The following NDUFV1 variants were observed in gnomAD, a reference collection of about 807,000 sequenced individuals.
NDUFV1 encodes NADH:ubiquinone oxidoreductase core subunit V1, also known as NADH dehydrogenase [ubiquinone] flavoprotein 1, mitochondrial.
In NDUFV1, 41 loss-of-function variants were observed where a neutral mutation model predicts 48.7. That is an observed-to-expected ratio of 0.84 (90% CI 0.66 to 1.09). The LOEUF is 1.09. NDUFV1 is among the 50% of genes least tolerant of loss of function. The probability of loss-of-function intolerance (pLI) is 0.00; values close to 1 mark genes in which losing one functional copy is unlikely to be tolerated. For synonymous variants in NDUFV1, 231 were observed against 259.1 expected (o/e 0.89, Z 1.04); for missense variants, 580 against 645.4 (o/e 0.90, Z 1.10).
chr11:67,608,707 A>T lies in NDUFV1; in HGVS notation c.311A>T (p.Lys104Met). 1 of 1,613,928 alleles carries T rather than the reference A, an allele frequency of 6.2e-7. No homozygotes were observed. The highest frequency in any genetic ancestry group is 2.2e-5 in the East Asian group (1 of 44,872). ...PTGLKWSFMN[K>M]PSDGRPKYLV... ...GGCCTCAAGTGGAGCTTCATGAATAAGCCCTCAGATGGCAGGTGTGTGTGT... is the reference window on the plus strand; with the variant it reads ...GGCCTCAAGTGGAGCTTCATGAATATGCCCTCAGATGGCAGGTGTGTGTGT... Residue 104 changes from lysine to methionine, a missense_variant, in exon 3 of 10, where the codon AAG (lysine) becomes ATG (methionine). Transcript: ENST00000322776.
At position 67,609,854 on chromosome 11, in the gene NDUFV1, C is replaced by A; in HGVS notation, c.510+219C>A. 1.2e-5 allele frequency: 6 copies of A among 501,870 alleles called. No homozygotes were observed. The South Asian group carries it at 1.3e-4, about 11-fold the overall frequency. 31.1% of individuals were successfully genotyped at this position (501,870 alleles called of 1,614,324 possible). A position where few individuals can be genotyped will look rare whatever the true frequency, so the allele number is the denominator to read the frequency against. ...TGGTGTAAATTTTTTTTTTTTGCTT[C>A]AAAAATATAGTATTTTTTATAAAAC... On this transcript the variant is annotated intron_variant, in intron 4 of 9. Transcript: ENST00000322776.
chr11:67,609,766 T>A, intron 4 of NDUFV1, 131 bp downstream of exon 4: 2 of 1,044,050 alleles, frequency 1.9e-6, no homozygotes, highest in East Asian at 2.5e-5. Context: ...TGGTGGCCAG[T>A]CCTGCATGCA....
At chr11:67,610,925 A>G in intron 5 of NDUFV1, 70 bp from the exon 6 acceptor site, 1 of 1,464,216 alleles carries the variant, frequency 6.8e-7, no homozygotes, top group Non-Finnish European at 9.6e-7. Context: ...GGACCCTGGG[A>G]CACACCTCCC....
chr11:67,611,274 C>T lies in NDUFV1; in HGVS notation c.913+67C>T. 1.3e-6 allele frequency: 2 copies of T among 1,599,904 alleles called. No individual in the cohort carries two copies. The highest frequency in any genetic ancestry group is 1.1e-5 in the South Asian group (1 of 90,568). Reference sequence around the variant, plus strand: ...GGGGGCAGGTGTCCACAAAGAGAGCCTGGGCGGGAGGGCTCAGGAGACGGG... The same window carrying T: ...GGGGGCAGGTGTCCACAAAGAGAGCTTGGGCGGGAGGGCTCAGGAGACGGG... On this transcript the variant is annotated intron_variant, in intron 6 of 9. Coordinates refer to ENST00000322776, the MANE Select transcript of NDUFV1 (RefSeq NM_007103.4). This position sits in a 1 kb window ranked among gnomAD's most constrained non-coding sequence, Gnocchi z 4.2.
At position 67,609,577 on chromosome 11, in the gene NDUFV1, C is replaced by T. The variant is rs369656369; in HGVS notation, c.452C>T (p.Ala151Val). The T allele has an allele frequency of 1.3e-5, 21 of 1,611,656 alleles. No individual in the cohort carries two copies. The African/African-American group carries it at 2.3e-4, about 17-fold the overall frequency. Reference protein sequence around the residue: ...GCLVGGRAMGARAAYIYIRGE... With the variant: ...GCLVGGRAMGVRAAYIYIRGE... ...CTGGTGGGGGGCCGGGCCATGGGCG[C>T]CCGCGCTGCCTATATCTACATCCGA... is the stretch of plus-strand genomic sequence containing the variant. The change falls in exon 4 of 10, where the codon GCC becomes GTC. Residue 151 changes from alanine to valine, a missense_variant. Physicochemically the swap from Ala to Val is moderately conservative, Grantham distance 64. Transcript: ENST00000322776.
Position 67,612,136 on chromosome 11 carries a change from C to G in NDUFV1, c.1179C>G (p.Asn393Lys), listed in dbSNP as rs575546624. Residue 393 changes from asparagine (N) to lysine (K), a missense_variant, in exon 9 of 10, where the codon AAC becomes AAG. Coordinates refer to ENST00000322776, the MANE Select transcript of NDUFV1 (RefSeq NM_007103.4). This position sits in a 1 kb window ranked among gnomAD's most constrained non-coding sequence, Gnocchi z 4.4. The part of the protein sequence containing the change: ...TPCREGVDWM[N>K]KVMARFVRGD... The stretch of plus-strand genomic sequence containing the variant: ...TGGCTGCAGGTGTGGACTGGATGAA[C>G]AAGGTGATGGCACGTTTCGTGAGGG... 14 of 1,613,642 alleles carry G rather than the reference C, an allele frequency of 8.7e-6. No homozygotes were observed. In the East Asian group the frequency reaches 2.9e-4, roughly 33 times the overall value.
In NDUFV1 at chr11:67,611,232, G is replaced by A; in HGVS notation, c.913+25G>A. The A allele has an allele frequency of 6.2e-7, 1 of 1,611,852 alleles. No homozygotes were observed. Among genetic ancestry groups the A allele is most frequent in the South Asian group, 1.1e-5 (1 of 91,030 alleles). ...GGTAAGGCCTGGGGCCAGCCAGGTG[G>A]TGGGGGGGTGCGCAGTGGGGGCAGG... On this transcript the variant is annotated intron_variant, in intron 6 of 9. Coordinates refer to ENST00000322776, the MANE Select transcript of NDUFV1 (RefSeq NM_007103.4). The surrounding 1 kb of genome is among the most constrained non-coding windows in gnomAD (Gnocchi z 4.2).
rs775492957 is a variant in NDUFV1 at position 67,611,423 on chromosome 11, G to A, written c.934G>A (p.Asp312Asn). 6.2e-7 allele frequency: 1 copy of A among 1,613,908 alleles called. No individual in the cohort carries two copies. The highest frequency in any genetic ancestry group is 1.3e-5 in the African/African-American group (1 of 74,884). Residue 312 changes from aspartate to asparagine, a missense_variant, in exon 7 of 10, where the codon GAC becomes AAC. Transcript: ENST00000322776. The surrounding 1 kb of genome is among the most constrained non-coding windows in gnomAD (Gnocchi z 4.2). Reference protein sequence around the residue: ...KHAGGVTGGWDNLLAVIPGGS... With the variant: ...KHAGGVTGGWNNLLAVIPGGS... ...CCCAGGGGGTGTCACGGGCGGCTGGGACAACCTCCTTGCTGTGATCCCTGG... is the reference window on the plus strand; with the variant it reads ...CCCAGGGGGTGTCACGGGCGGCTGGAACAACCTCCTTGCTGTGATCCCTGG...
At position 67,611,622 on chromosome 11, in the gene NDUFV1, T is replaced by C; in HGVS notation, c.1080+53T>C. The C allele has an allele frequency of 6.4e-7, 1 of 1,571,406 alleles. No individual in the cohort carries two copies. Among genetic ancestry groups the C allele is most frequent in the Non-Finnish European group, 8.6e-7 (1 of 1,158,492 alleles). ...CCTGCCCTCCTGGTTGCTGTCTCCC[T>C]CCCTGGGCCTCCCAGAAAACCCTCT... On this transcript the variant is annotated intron_variant, in intron 7 of 9. Coordinates refer to ENST00000322776, the MANE Select transcript of NDUFV1 (RefSeq NM_007103.4). The surrounding 1 kb of genome is among the most constrained non-coding windows in gnomAD (Gnocchi z 4.2).
chr11:67,608,225 CA>C (rs11413867), intron 1 of NDUFV1, 170 bp from the exon 2 acceptor site: 1,407 of 570,268 alleles, frequency 2.5e-3, no homozygotes, highest in Non-Finnish European at 2.8e-3. Context: ...GAGTCTGTCT[CA>C]AAAAAAAAAA....
At position 67,610,417 on chromosome 11, in the gene NDUFV1, G is replaced by A. The variant is rs1316667093; in HGVS notation, c.547G>A (p.Gly183Ser). The A allele has an allele frequency of 1.2e-5, 19 of 1,614,036 alleles. No individual in the cohort carries two copies. The highest frequency in any genetic ancestry group is 1.6e-5 in the Non-Finnish European group (19 of 1,180,040). The change falls in exon 5 of 10, where the codon GGC (glycine) becomes AGC (serine). Residue 183 changes from glycine to serine, a missense_variant. Coordinates refer to ENST00000322776, the MANE Select transcript of NDUFV1 (RefSeq NM_007103.4). ...IREAYEAGLI[G>S]KNACGSGYDF... Reference sequence around the variant, plus strand: ...AGAGGCCTATGAGGCAGGTCTGATTGGCAAGAATGCTTGTGGCTCTGGCTA... The same window carrying A: ...AGAGGCCTATGAGGCAGGTCTGATTAGCAAGAATGCTTGTGGCTCTGGCTA...
rs1163572829 is a variant in NDUFV1 at position 67,612,255 on chromosome 11, G to A, written c.1298G>A (p.Trp433Ter). The A allele has an allele frequency of 6.2e-7, 1 of 1,613,956 alleles. No homozygotes were observed. Among genetic ancestry groups the A allele is most frequent in the South Asian group, 1.1e-5 (1 of 91,076 alleles). The stretch of plus-strand genomic sequence containing the variant: ...TGTGCTCTGGGTGACGGGGCCGCCT[G>A]GCCTGTGCAGGTATTCACCACCCTT... ...TICALGDGAA[W>*]PVQGLIRHFR... Residue 433 changes from tryptophan to a stop codon, truncating the protein, a stop_gained, in exon 9 of 10, where the codon TGG (tryptophan) becomes TAG (stop). Coordinates refer to ENST00000322776, the MANE Select transcript of NDUFV1 (RefSeq NM_007103.4). LOFTEE classifies it high-confidence loss of function. This position sits in a 1 kb window ranked among gnomAD's most constrained non-coding sequence, Gnocchi z 4.4.
Position 67,608,625 on chromosome 11 carries a change from C to G in NDUFV1, c.229C>G (p.Leu77Val). 6.2e-7 allele frequency: 1 copy of G among 1,614,126 alleles called. No individual in the cohort carries two copies. Among genetic ancestry groups the G allele is most frequent in the Non-Finnish European group, 8.5e-7 (1 of 1,180,012 alleles). The change falls in exon 3 of 10, where the codon CTG (leucine) becomes GTG (valine). Residue 77 changes from leucine to valine, a missense_variant. Coordinates refer to ENST00000322776, the MANE Select transcript of NDUFV1 (RefSeq NM_007103.4). ...CCTGCTGAAGGGGCCCGACTGGATCCTGGGCGAGATCAAGACATCGGGTTT... is the reference window on the plus strand; with the variant it reads ...CCTGCTGAAGGGGCCCGACTGGATCGTGGGCGAGATCAAGACATCGGGTTT... ...EILLKGPDWI[L>V]GEIKTSGLRG...
At chr11:67,609,728 T>C in intron 4 of NDUFV1, 93 bp downstream of exon 4, 4 of 1,441,204 alleles carry the variant, frequency 2.8e-6, no homozygotes, top group Non-Finnish European at 3.9e-6. Flanking sequence ...TGTTAGTACC[T>C]GGTCTGTCAG....
intron 3 of NDUFV1, 128 bp from the exon 4 acceptor site, chr11:67,609,324 G>A: frequency 1.1e-6 from 1 of 913,460 alleles, no homozygotes; most frequent in Non-Finnish European, 1.7e-6. Context: ...GACATGTTGG[G>A]AGGGCAGTAA....
Position 67,611,279 on chromosome 11 carries a change from C to T in NDUFV1, c.913+72C>T, listed in dbSNP as rs891754024. The T allele has an allele frequency of 1.2e-5, 19 of 1,591,346 alleles. No homozygotes were observed. Among genetic ancestry groups the T allele is most frequent in the Middle Eastern group, 1.8e-4 (1 of 5,554 alleles). On this transcript the variant is annotated intron_variant, in intron 6 of 9. Coordinates refer to ENST00000322776, the MANE Select transcript of NDUFV1 (RefSeq NM_007103.4). This position sits in a 1 kb window ranked among gnomAD's most constrained non-coding sequence, Gnocchi z 4.2. ...CAGGTGTCCACAAAGAGAGCCTGGG[C>T]GGGAGGGCTCAGGAGACGGGGCTGG...
chr11:67,611,833 AG>A lies in NDUFV1; in HGVS notation c.1081-59del. On this transcript the variant is annotated intron_variant, in intron 7 of 9. Transcript: ENST00000322776. This position sits in a 1 kb window ranked among gnomAD's most constrained non-coding sequence, Gnocchi z 4.2. Reference sequence around the variant, plus strand: ...TGGAACTGGGGGAGGGGCTGCTGCTAGGGGGCTGAGGCCCAGGCTTCTGTCT... The same window carrying A: ...TGGAACTGGGGGAGGGGCTGCTGCTAGGGGCTGAGGCCCAGGCTTCTGTCT... 1 of 1,582,424 alleles carries A rather than the reference AG, an allele frequency of 6.3e-7. No individual in the cohort carries two copies. Among genetic ancestry groups the A allele is most frequent in the Admixed American group, 1.7e-5 (1 of 59,864 alleles).
rs1055376850 is a variant in NDUFV1, at chr11:67,611,357, C to T, written c.914-46C>T. On this transcript the variant is annotated intron_variant, in intron 6 of 9. Coordinates refer to ENST00000322776, the MANE Select transcript of NDUFV1 (RefSeq NM_007103.4). This position sits in a 1 kb window ranked among gnomAD's most constrained non-coding sequence, Gnocchi z 4.2. The stretch of plus-strand genomic sequence containing the variant: ...TCAGGACTAGGCAGGTGTGCCGGCC[C>T]CAGCCCTGACCATGCATCCCTTTGG... The T allele has an allele frequency of 6.2e-7, 1 of 1,608,510 alleles. No homozygotes were observed. Among genetic ancestry groups the T allele is most frequent in the African/African-American group, 1.3e-5 (1 of 74,944 alleles).
intron 4 of NDUFV1, 33 bp from the exon 5 acceptor site, chr11:67,610,348 G>T (rs1591110330): frequency 1.3e-6 from 2 of 1,587,530 alleles, no homozygotes; most frequent in Admixed American, 1.7e-5. Flanking sequence ...TGGGCTGGGG[G>T]TGGGCTGGGA....
Sources: gnomAD v4.1 joint callset for allele counts on GRCh38, gnomAD v4.1.1 for gene constraint, Gnocchi (gnomAD v3.1) non-coding constraint, MANE v1.5 for transcripts, NCBI Gene and HGNC (gene_info 2026-07-23, HGNC 2026-07-21) for gene names.